PCSK4: variants seen among roughly 807,000 people sequenced by gnomAD.
PCSK4 encodes the protein proprotein convertase subtilisin/kexin type 4, also known as testicular tissue protein Li 135.
PCSK4 carries 64 observed loss-of-function variants against 80.3 expected under a neutral mutation model. The ratio of observed to expected loss-of-function variants is 0.80; its 90% confidence interval spans 0.65 to 0.98. The LOEUF is 0.98. Ranked by LOEUF, PCSK4 falls within the 50% of genes least tolerant of loss-of-function variation. The probability of loss-of-function intolerance (pLI) is 0.00; values close to 1 mark genes in which losing one functional copy is unlikely to be tolerated. For missense variants in PCSK4, 1,213 were observed against 1,093.6 expected, an observed-to-expected ratio of 1.11 and a Z score of -1.54; for synonymous variants, 561 against 487.6, an observed-to-expected ratio of 1.15 and a Z score of -1.98.
chr19:1,488,330 C>T (rs1005405842), intron 2 of PCSK4, 50 bp from the exon 3 acceptor site: 2 of 1,471,716 alleles, frequency 1.4e-6, no homozygotes, highest in African/African-American at 1.4e-5. Context: ...CCCCTGGGGC[C>T]CCTCGTGGTT....
exon 11 of PCSK4, chr19:1,483,714 C>T (rs775122503): frequency 3.8e-6 from 6 of 1,595,712 alleles, no homozygotes; most frequent in Admixed American, 1.7e-5. Flanking sequence ...CAGGTGCGGG[C>T]GGTGTCCACC....
chr19:1,490,120 C>T (rs778027853), intron 1 of PCSK4, 38 bp downstream of exon 1: 1 of 1,610,304 alleles, frequency 6.2e-7, no homozygotes, highest in South Asian at 1.1e-5. Context: ...TCAGTCCCCT[C>T]CAAGCCCCCA....
In PCSK4 at chr19:1,483,379, C is replaced by T. The variant is rs750190421; in HGVS notation, c.1476G>A (p.Val492=). Reference sequence around the variant, plus strand: ...TGTAGGACAGCGTCAGCTGCGCCTGCACGTGCTCCAGCGAGCGGATGGAGT... The same window carrying T: ...TGTAGGACAGCGTCAGCTGCGCCTGTACGTGCTCCAGCGAGCGGATGGAGT... Residue 492 remains valine, a synonymous_variant, in exon 12 of 15, where the codon GTG becomes GTA. Coordinates refer to ENST00000300954, the Ensembl canonical transcript of PCSK4. The T allele has an allele frequency of 1.2e-5, 19 of 1,607,330 alleles. No individual in the cohort carries two copies. In the South Asian group the frequency reaches 2.1e-4, roughly 18 times the overall value.
At chr19:1,489,487 A>G (rs1345941964) in intron 2 of PCSK4, 3 of 374,420 alleles carry the variant, frequency 8.0e-6, no homozygotes, top group South Asian at 3.8e-5. Context: ...CCTTCCCTCC[A>G]TCCCATGACC....
intron 1 of PCSK4, 77 bp from the exon 2 acceptor site, chr19:1,489,974 CCTT>C: frequency 6.5e-7 from 1 of 1,536,424 alleles, no homozygotes; most frequent in South Asian, 1.2e-5. Flanking sequence ...GTAACAGCCC[CCTT>C]CTTTGTCCTT....
At chr19:1,490,763 C>T (rs192882441), upstream of PCSK4, 160 of 200,286 alleles carry the variant, frequency 8.0e-4, no homozygotes, top group African/African-American at 3.6e-3. Flanking sequence ...AAGCCTCGCC[C>T]CGTTCCCGCC....
chr19:1,481,578 A>C, exon 15 of PCSK4: 1 of 481,240 alleles, frequency 2.1e-6, no homozygotes, highest in Non-Finnish European at 3.6e-6. Context: ...CCCAAAATGC[A>C]GAGGAGACTT....
intron 12 of PCSK4, 55 bp downstream of exon 12, chr19:1,483,229 G>A: frequency 2.1e-6 from 3 of 1,449,360 alleles, no homozygotes; most frequent in South Asian, 2.7e-5. Context: ...CGGGTAGATG[G>A]CAGCGTTTAC....
chr19:1,490,643 CTTTG>C (rs2084900639), upstream of PCSK4: 9 of 385,038 alleles, frequency 2.3e-5, no homozygotes, highest in African/African-American at 6.3e-5. Context: ...GCGTCCTACC[CTTTG>C]TTTGACCTCT....
At chr19:1,490,406 G>A in exon 1 of PCSK4, 1 of 667,366 alleles carries the variant, frequency 1.5e-6, no homozygotes, top group Non-Finnish European at 2.4e-6. Flanking sequence ...ACCGCCGAGT[G>A]GGCCCAGGCG....
At chr19:1,486,964 C>A in exon 8 of PCSK4, 5 of 1,608,966 alleles carry the variant, frequency 3.1e-6, no homozygotes, top group Non-Finnish European at 3.4e-6. Flanking sequence ...CCACGGAAAG[C>A]GTGTGGATGC....
chr19:1,482,921 C>T, exon 13 of PCSK4: 1 of 1,528,664 alleles, frequency 6.5e-7, no homozygotes, highest in Non-Finnish European at 8.9e-7. Context: ...AGCCCTTGTT[C>T]TCTAGGCCCA....
At chr19:1,486,306 T>C (rs1027469985) in intron 8 of PCSK4, among the ~76,000 whole-genome samples, 1 of 146,652 alleles carries the variant, frequency 6.8e-6, no homozygotes, top group Non-Finnish European at 1.5e-5. Flanking sequence ...GATTGATTGA[T>C]TGATTTTTGA....
intron 5 of PCSK4, 39 bp from the exon 6 acceptor site, chr19:1,487,730 C>A: frequency 6.5e-7 from 1 of 1,548,000 alleles, no homozygotes; most frequent in Non-Finnish European, 8.7e-7. Flanking sequence ...TCACGGCCTC[C>A]ATCCCCCTGC....
chr19:1,486,454 GC>G (rs1037075827), intron 8 of PCSK4, among the ~76,000 whole-genome samples: 313 of 151,900 alleles, frequency 2.1e-3, no homozygotes, highest in African/African-American at 7.2e-3. Context: ...CCACCACCAC[GC>G]CCGGCTAATT....
Position 1,490,089 on chromosome 19 carries a change from C to T in PCSK4, c.189+69G>A, listed in dbSNP as rs1314395204. ...AGAAGACCTTGTGGGCTCCCTCCCCCTTGTCGGGGTCTAGGGTTGTTCAGT... is the reference window on the plus strand; with the variant it reads ...AGAAGACCTTGTGGGCTCCCTCCCCTTTGTCGGGGTCTAGGGTTGTTCAGT... On this transcript the variant is annotated intron_variant, in intron 1 of 14. Transcript: ENST00000300954. 1.9e-6 allele frequency: 3 copies of T among 1,579,210 alleles called. No homozygotes were observed. In the East Asian group the frequency reaches 6.9e-5, roughly 37 times the overall value.
exon 13 of PCSK4, chr19:1,482,950 G>T (rs911411651): frequency 6.2e-7 from 1 of 1,612,844 alleles, no homozygotes; most frequent in Non-Finnish European, 8.5e-7. Flanking sequence ...ACGCCCTGTG[G>T]GTTCTCATCC....
chr19:1,487,553 C>T (rs555149369), intron 6 of PCSK4, 50 bp downstream of exon 6: 1 of 1,460,272 alleles, frequency 6.8e-7, no homozygotes, highest in Non-Finnish European at 9.4e-7. Flanking sequence ...GCCAGAGTCA[C>T]CCCCTTCCCT....
chr19:1,487,596 C>T lies in PCSK4; in HGVS notation c.682+7G>A, dbSNP rs371025866. ...CCGGAATGGTGCCGCTGGGGGACCC[C>T]GGGTACCTCCGATTCGGGCGTTGAA... is the stretch of plus-strand genomic sequence containing the variant. On this transcript the variant is annotated splice_region_variant and intron_variant, in intron 6 of 14. Transcript: ENST00000300954. The T allele has an allele frequency of 6.3e-5, 98 of 1,548,542 alleles. No individual in the cohort carries two copies. Among genetic ancestry groups the T allele is most frequent in the Non-Finnish European group, 7.5e-5 (86 of 1,145,640 alleles).
Sources: allele counts gnomAD v4.1 joint callset (sites outside exome capture counted in the v4.1 genomes callset), GRCh38; gene constraint gnomAD v4.1.1; transcripts MANE v1.5; gene names NCBI Gene and HGNC (gene_info 2026-07-23, HGNC 2026-07-21).